The following TMEM164 variants were observed in gnomAD, a reference collection of about 807,000 sequenced individuals.
TMEM164 encodes RP13-360B22.2.
TMEM164 carries 4 observed loss-of-function variants against 18.8 expected under a neutral mutation model. That is an observed-to-expected ratio of 0.21 (90% CI 0.10 to 0.49). The LOEUF is 0.49. TMEM164 is among the 20% of genes least tolerant of loss of function. The pLI is 0.98. For synonymous variants in TMEM164, 86 were observed against 101.7 expected, an observed-to-expected ratio of 0.85 and a Z score of 0.93; for missense variants, 108 against 239.9, an observed-to-expected ratio of 0.45 and a Z score of 3.63.
At chrX:110,063,303 A>G (rs1936193700) in intron 2 of TMEM164, among the ~76,000 whole-genome samples, 1 of 111,877 alleles carries the variant, frequency 8.9e-6, no homozygotes, top group Non-Finnish European at 1.9e-5. Context: ...CATAGTACTA[A>G]CACTTGCTCC....
intron 2 of TMEM164, among the ~76,000 whole-genome samples, chrX:110,066,080 G>C (rs190943184): frequency 8.9e-6 from 1 of 111,797 alleles, no homozygotes; most frequent in African/African-American, 3.2e-5. Flanking sequence ...ACTCCTGACT[G>C]TGTTCTTTTT....
Position 110,173,543 on chromosome X carries a change from G to A in TMEM164, c.*92G>A, listed in dbSNP as rs1351207802. ...AGTTCTTGATAAAATCATGGGAGAG[G>A]GCAGTAGGATGTTTGGTGTATTTCT... On this transcript the variant is annotated 3_prime_UTR_variant, in exon 7 of 7. Coordinates refer to ENST00000372068, the MANE Select transcript of TMEM164 (RefSeq NM_032227.4). 4 of 745,007 alleles carry A rather than the reference G, an allele frequency of 5.4e-6. No individual in the cohort carries two copies. The East Asian group carries it at 1.3e-4, about 24-fold the overall frequency. The allele number at this position is 745,007 out of a possible 1,213,427, so 61.4% of individuals were successfully genotyped here.
chrX:110,133,793 C>T lies in TMEM164; in HGVS notation c.508-11005C>T, dbSNP rs183175621. 7.2e-5 allele frequency among the ~76,000 whole-genome samples: 8 copies of T among 111,730 alleles called. No homozygotes were observed. In the East Asian group the frequency reaches 2.0e-3, roughly 27 times the overall value. The stretch of plus-strand genomic sequence containing the variant: ...AGACCAAACACCAGAGCTTCCTTCC[C>T]GGCCTTTTCAGAAATGACTTTGGAT... On this transcript the variant is annotated intron_variant, in intron 4 of 6. Coordinates refer to ENST00000372068, the MANE Select transcript of TMEM164 (RefSeq NM_032227.4).
At chrX:110,036,121 T>C (rs1360896726) in intron 2 of TMEM164, among the ~76,000 whole-genome samples, 2 of 111,894 alleles carry the variant, frequency 1.8e-5, no homozygotes, top group Non-Finnish European at 3.8e-5. Context: ...AGAAAAAGTT[T>C]CAAATGATTG....
chrX:110,020,726 A>G (rs1933765626), intron 2 of TMEM164: 1 of 735,168 alleles, frequency 1.4e-6, no homozygotes, highest in Non-Finnish European at 1.6e-6. Context: ...ACTTTAAAAT[A>G]TTTACTCTAC....
chrX:110,092,937 C>T lies in TMEM164; in HGVS notation c.441-16143C>T, dbSNP rs764907450. Among the ~76,000 whole-genome samples, 13 of 111,857 alleles carry T rather than the reference C, an allele frequency of 1.2e-4. No individual in the cohort carries two copies. In the East Asian group the frequency reaches 3.1e-3, roughly 27 times the overall value. On this transcript the variant is annotated intron_variant, in intron 3 of 6. Transcript: ENST00000372068. ...AGCATGAAGGGCTGTTGAATTTTGTCGAAGGCCTTTTCTGCATCTATTGAG... is the reference window on the plus strand; with the variant it reads ...AGCATGAAGGGCTGTTGAATTTTGTTGAAGGCCTTTTCTGCATCTATTGAG...
At chrX:110,009,085 A>AT (rs1006120562) in intron 2 of TMEM164, among the ~76,000 whole-genome samples, 2 of 111,739 alleles carry the variant, frequency 1.8e-5, no homozygotes, top group Non-Finnish European at 3.8e-5. Context: ...GAGAGGAAGT[A>AT]TTTTTTTCCC....
chrX:110,118,345 A>T (rs1481004912), intron 4 of TMEM164, among the ~76,000 whole-genome samples: 1 of 111,858 alleles, frequency 8.9e-6, no homozygotes, highest in Non-Finnish European at 1.9e-5. Flanking sequence ...GGGTAAGGAC[A>T]GTGTCTTTTT....
In TMEM164 at chrX:110,013,351, G is replaced by T. The variant is rs1339230727; in HGVS notation, c.390+9187G>T. On this transcript the variant is annotated intron_variant, in intron 2 of 6. Coordinates refer to ENST00000372068, the MANE Select transcript of TMEM164 (RefSeq NM_032227.4). ...TTAACTATGGCTCTGGGAGTCCTGGGTAAACACTTATTAGATGTTCTGGGC... is the reference window on the plus strand; with the variant it reads ...TTAACTATGGCTCTGGGAGTCCTGGTTAAACACTTATTAGATGTTCTGGGC... 3.6e-5 allele frequency among the ~76,000 whole-genome samples: 4 copies of T among 112,045 alleles called. No homozygotes were observed. The Admixed American group carries it at 3.8e-4, about 11-fold the overall frequency.
chrX:110,165,661 A>G lies in TMEM164; in HGVS notation c.587-5759A>G, dbSNP rs953937983. Among the ~76,000 whole-genome samples the G allele has an allele frequency of 3.6e-5, 4 of 112,115 alleles. No homozygotes were observed. In the East Asian group the frequency reaches 1.1e-3, roughly 31 times the overall value. On this transcript the variant is annotated intron_variant, in intron 5 of 6. Coordinates refer to ENST00000372068, the MANE Select transcript of TMEM164 (RefSeq NM_032227.4). Reference sequence around the variant, plus strand: ...TCCAGGCCATCTCCCTCTCCTGAGCACTAGACCTGGACATAACAGCCTATT... The same window carrying G: ...TCCAGGCCATCTCCCTCTCCTGAGCGCTAGACCTGGACATAACAGCCTATT...
intron 4 of TMEM164, among the ~76,000 whole-genome samples, chrX:110,138,790 C>T (rs1230633503): frequency 8.9e-6 from 1 of 111,968 alleles, no homozygotes; most frequent in African/African-American, 3.2e-5. Context: ...TATCTAGAAT[C>T]TCTCTGACAC....
intron 5 of TMEM164, among the ~76,000 whole-genome samples, chrX:110,145,311 G>A (rs2066837938): frequency 9.0e-6 from 1 of 111,531 alleles, no homozygotes; most frequent in East Asian, 2.8e-4. Context: ...CCGGGGACCA[G>A]GGCAATTATG....
At chrX:110,139,293 A>G (rs746795431) in intron 4 of TMEM164, among the ~76,000 whole-genome samples, 3 of 111,952 alleles carry the variant, frequency 2.7e-5, no homozygotes, top group African/African-American at 9.7e-5. Flanking sequence ...CTTCCTGCAT[A>G]GTAGCAGAGG....
chrX:110,118,414 A>G lies in TMEM164; in HGVS notation c.507+9268A>G, dbSNP rs563976063. On this transcript the variant is annotated intron_variant, in intron 4 of 6. Coordinates refer to ENST00000372068, the MANE Select transcript of TMEM164 (RefSeq NM_032227.4). Reference sequence around the variant, plus strand: ...ATTGCGGACCACTGACCTACTTCAAACCCCTCATGTTACACAAAAAATAGA... The same window carrying G: ...ATTGCGGACCACTGACCTACTTCAAGCCCCTCATGTTACACAAAAAATAGA... Among the ~76,000 whole-genome samples, 4 of 108,191 alleles carry G rather than the reference A, an allele frequency of 3.7e-5. No individual in the cohort carries two copies. The East Asian group carries it at 8.5e-4, about 23-fold the overall frequency. The allele number at this position is 108,191 out of a possible 115,157, so 94.0% of individuals were successfully genotyped here. A position where few individuals can be genotyped will look rare whatever the true frequency, so the allele number is the denominator to read the frequency against.
At chrX:110,122,652 T>A (rs1195397530) in intron 4 of TMEM164, among the ~76,000 whole-genome samples, 1 of 112,101 alleles carries the variant, frequency 8.9e-6, no homozygotes, top group Non-Finnish European at 1.9e-5. Flanking sequence ...AGATTTCGGA[T>A]TTTTGAATGC....
chrX:110,078,675 T>TG (rs1297122519), intron 3 of TMEM164, among the ~76,000 whole-genome samples: 1 of 111,082 alleles, frequency 9.0e-6, no homozygotes, highest in Non-Finnish European at 1.9e-5. Flanking sequence ...AAAAATTAGC[T>TG]GGGCATGGTG....
chrX:110,034,205 A>G (rs752540587), intron 2 of TMEM164, among the ~76,000 whole-genome samples: 3 of 112,166 alleles, frequency 2.7e-5, no homozygotes, highest in Non-Finnish European at 5.6e-5. Context: ...TCTGTGTTTT[A>G]CTAGTTGGCA....
intron 3 of TMEM164, among the ~76,000 whole-genome samples, chrX:110,084,481 G>GTGTATATATATATATAT (rs1263986271): frequency 2.1e-5 from 1 of 46,662 alleles, no homozygotes; most frequent in African/African-American, 1.1e-4. Context: ...TATATATAGA[G>GTGTATATATATATATAT]AGAGAGAGAG....
rs59507144 is a variant in TMEM164 at position 110,124,176 on chromosome X, A to AAGGAAGGAAGGAAGGC, written c.507+15033_507+15034insAAGGAAGGAAGGCAGG. On this transcript the variant is annotated intron_variant, in intron 4 of 6. Coordinates refer to ENST00000372068, the MANE Select transcript of TMEM164 (RefSeq NM_032227.4). ...GAAGGAAGGAAGGAAGGAAGGAAGG[A>AAGGAAGGAAGGAAGGC]AGGCAGGAAGGCAGGCAGGCAGGCA... 4.5e-3 allele frequency among the ~76,000 whole-genome samples: 347 copies of AAGGAAGGAAGGAAGGC among 77,145 alleles called. 8 individuals are homozygous for AAGGAAGGAAGGAAGGC. The highest frequency in any genetic ancestry group is 0.032 in the East Asian group (69 of 2,132). The allele number at this position is 77,145 out of a possible 115,157, so 67.0% of individuals were successfully genotyped here.
Sources: allele counts gnomAD v4.1 joint callset (sites outside exome capture counted in the v4.1 genomes callset), GRCh38; gene constraint gnomAD v4.1.1; transcripts MANE v1.5; gene names NCBI Gene and HGNC (gene_info 2026-07-23, HGNC 2026-07-21).